The following KDM4E variants were observed in gnomAD, a reference collection of about 807,000 sequenced individuals.
KDM4E encodes lysine-specific demethylase 4E.
For missense variants in KDM4E, 576 were observed against 642.6 expected (o/e 0.90, Z 1.12); for synonymous variants, 229 against 232.9 (o/e 0.98, Z 0.15).
Position 95,027,250 on chromosome 11 carries a change from A to C in KDM4E, c.*172A>C, listed in dbSNP as rs77146219. The C allele has an allele frequency of 0.01, 9,228 of 897,044 alleles. 293 individuals carry two copies. Among genetic ancestry groups the C allele is most frequent in the African/African-American group, 0.088 (5,246 of 59,388 alleles). The allele number at this position is 897,044 out of a possible 1,614,324, so 55.6% of individuals were successfully genotyped here. On this transcript the variant is annotated 3_prime_UTR_variant, in exon 1 of 1. Coordinates refer to ENST00000450979, the MANE Select transcript of KDM4E (RefSeq NM_001161630.1). ...GATGTTGTCTGCATGACTCCTCCCA[A>C]TGTCATTGTGCCTTTGATTAAGTTT...
In KDM4E at chr11:95,027,288, G is replaced by A. The variant is rs933781467; in HGVS notation, c.*210G>A. On this transcript the variant is annotated 3_prime_UTR_variant, in exon 1 of 1. Transcript: ENST00000450979. ...TTTGATTAAGTTTTCCAGGGACACT[G>A]GTGGGGACTGGAACTGATTAAGTTC... The A allele has an allele frequency of 1.6e-5, 11 of 676,686 alleles. No homozygotes were observed. The highest frequency in any genetic ancestry group is 2.4e-5 in the Non-Finnish European group (10 of 413,148). The allele number at this position is 676,686 out of a possible 1,614,324, so 41.9% of individuals were successfully genotyped here.
Position 95,027,459 on chromosome 11 carries a change from A to C in KDM4E, c.*381A>C. The C allele has an allele frequency of 4.7e-6, 1 of 213,214 alleles. No individual in the cohort carries two copies. The highest frequency in any genetic ancestry group is 9.5e-6 in the Non-Finnish European group (1 of 105,460). The allele number at this position is 213,214 out of a possible 1,614,324, so 13.2% of individuals were successfully genotyped here. On this transcript the variant is annotated 3_prime_UTR_variant, in exon 1 of 1. Transcript: ENST00000450979. Reference sequence around the variant, plus strand: ...GGGTCTAAAGACACTGAGTTTAGGGATATTTTCCTCCAATACATGATCAAT... The same window carrying C: ...GGGTCTAAAGACACTGAGTTTAGGGCTATTTTCCTCCAATACATGATCAAT...
rs2257265 is a variant in KDM4E, at chr11:95,025,682, A to C, written c.125A>C (p.Gln42Pro). Reference protein sequence around the residue: ...VAYMESQGAHQAGLAKVIPPK... With the variant: ...VAYMESQGAHPAGLAKVIPPK... ...TACATGGAGTCCCAAGGCGCACATC[A>C]AGCTGGCCTTGCCAAGGTAATTCCA... Residue 42 changes from glutamine to proline, a missense_variant, in exon 1 of 1, where the codon CAA (glutamine) becomes CCA (proline). Physicochemically the swap from Gln to Pro is moderately conservative, Grantham distance 76. Coordinates refer to ENST00000450979, the MANE Select transcript of KDM4E (RefSeq NM_001161630.1). 3.2e-6 allele frequency: 5 copies of C among 1,548,938 alleles called. No homozygotes were observed. The highest frequency in any genetic ancestry group is 1.4e-5 in the African/African-American group (1 of 72,962).
At position 95,027,584 on chromosome 11, in the gene KDM4E, C is replaced by G. The variant is rs933729110; in HGVS notation, c.*506C>G. On this transcript the variant is annotated 3_prime_UTR_variant, in exon 1 of 1. Transcript: ENST00000450979. Reference sequence around the variant, plus strand: ...GATTCTTTACCTGCAGTAACTGACACATTTCCAAGGCCCCCAGATGCTGTC... The same window carrying G: ...GATTCTTTACCTGCAGTAACTGACAGATTTCCAAGGCCCCCAGATGCTGTC... 1.9e-5 allele frequency: 3 copies of G among 159,754 alleles called. No individual in the cohort carries two copies. The highest frequency in any genetic ancestry group is 4.2e-5 in the Non-Finnish European group (3 of 71,890). The allele number at this position is 159,754 out of a possible 1,614,324, so 9.9% of individuals were successfully genotyped here. A position where few individuals can be genotyped will look rare whatever the true frequency, so the allele number is the denominator to read the frequency against.
Position 95,025,893 on chromosome 11 carries a change from C to T in KDM4E, c.336C>T (p.His112=), listed in dbSNP as rs1858257381. ...ANSKKYQTPP[H]QNFADLEQRY... is the part of the protein sequence containing the mutation. ...GTAAAAAATATCAGACTCCGCCACA[C>T]CAGAATTTTGCAGATTTGGAGCAAC... The change falls in exon 1 of 1, where the codon CAC becomes CAT. Residue 112 remains histidine, a synonymous_variant. Coordinates refer to ENST00000450979, the MANE Select transcript of KDM4E (RefSeq NM_001161630.1). The T allele has an allele frequency of 6.3e-7, 1 of 1,587,608 alleles. No homozygotes were observed. Among genetic ancestry groups the T allele is most frequent in the Non-Finnish European group, 8.5e-7 (1 of 1,172,440 alleles).
rs1555102522 is a variant in KDM4E, at chr11:95,025,374, CT to C, written c.-183del. On this transcript the variant is annotated 5_prime_UTR_variant, in exon 1 of 1. Coordinates refer to ENST00000450979, the MANE Select transcript of KDM4E (RefSeq NM_001161630.1). Reference sequence around the variant, plus strand: ...GTATACTGACTAGAGTGGAGTCCCCCTGGGGAGTCAGAAAGCCTGTGAAAGA... The same window carrying C: ...GTATACTGACTAGAGTGGAGTCCCCCGGGGAGTCAGAAAGCCTGTGAAAGA... 1 of 786,158 alleles carries C rather than the reference CT, an allele frequency of 1.3e-6. No homozygotes were observed. The highest frequency in any genetic ancestry group is 2.8e-5 in the East Asian group (1 of 36,252). The allele number at this position is 786,158 out of a possible 1,614,324, so 48.7% of individuals were successfully genotyped here.
In KDM4E at chr11:95,027,037, C is replaced by A. The variant is rs1555103067; in HGVS notation, c.1480C>A (p.Leu494Ile). ...RSRAQGHRPQLPLANDLMTNL... is the reference protein window; with the variant it reads ...RSRAQGHRPQIPLANDLMTNL... ...TAGAGCTCAAGGCCACAGGCCTCAGCTCCCGCTTGCCAATGATTTGATGAC... is the reference window on the plus strand; with the variant it reads ...TAGAGCTCAAGGCCACAGGCCTCAGATCCCGCTTGCCAATGATTTGATGAC... The change falls in exon 1 of 1, where the codon CTC becomes ATC. Residue 494 changes from leucine to isoleucine, a missense_variant. Coordinates refer to ENST00000450979, the MANE Select transcript of KDM4E (RefSeq NM_001161630.1). 2 of 1,537,218 alleles carry A rather than the reference C, an allele frequency of 1.3e-6. No homozygotes were observed. The highest frequency in any genetic ancestry group is 3.9e-5 in the Admixed American group (2 of 51,004).
In KDM4E at chr11:95,027,407, A is replaced by G. The variant is rs1033716117; in HGVS notation, c.*329A>G. On this transcript the variant is annotated 3_prime_UTR_variant, in exon 1 of 1. Transcript: ENST00000450979. Reference sequence around the variant, plus strand: ...TCTGACTCCAACTAAGTTTTCCAGAATCTCCTGGGCTCCTGACTCATCTGC... The same window carrying G: ...TCTGACTCCAACTAAGTTTTCCAGAGTCTCCTGGGCTCCTGACTCATCTGC... 5 of 322,132 alleles carry G rather than the reference A, an allele frequency of 1.6e-5. No individual in the cohort carries two copies. Among genetic ancestry groups the G allele is most frequent in the Admixed American group, 1.4e-4 (3 of 22,104 alleles). The allele number at this position is 322,132 out of a possible 1,614,324, so 20.0% of individuals were successfully genotyped here.
Position 95,025,808 on chromosome 11 carries a change from C to A in KDM4E, c.251C>A (p.Thr84Asn). ...QVTSGQGGVFTQYHKKKKAMR... is the reference protein window; with the variant it reads ...QVTSGQGGVFNQYHKKKKAMR... ...ACCTCTGGGCAGGGAGGTGTGTTTACTCAATACCATAAAAAGAAGAAAGCC... is the reference window on the plus strand; with the variant it reads ...ACCTCTGGGCAGGGAGGTGTGTTTAATCAATACCATAAAAAGAAGAAAGCC... The change falls in exon 1 of 1, where the codon ACT becomes AAT. Residue 84 changes from threonine to asparagine, a missense_variant. Physicochemically the swap from Thr to Asn is moderately conservative, Grantham distance 65. Transcript: ENST00000450979. 6.3e-7 allele frequency: 1 copy of A among 1,591,840 alleles called. No individual in the cohort carries two copies.
chr11:95,025,400 A>T lies in KDM4E; in HGVS notation c.-158A>T. ...TGGGGAGTCAGAAAGCCTGTGAAAG[A>T]TCTCACTTGTTCAAAAGTCCAAGTG... On this transcript the variant is annotated 5_prime_UTR_variant, in exon 1 of 1. Coordinates refer to ENST00000450979, the MANE Select transcript of KDM4E (RefSeq NM_001161630.1). 9.3e-7 allele frequency: 1 copy of T among 1,079,512 alleles called. No individual in the cohort carries two copies. Among genetic ancestry groups the T allele is most frequent in the Non-Finnish European group, 1.3e-6 (1 of 782,122 alleles). 66.9% of individuals were successfully genotyped at this position (1,079,512 alleles called of 1,614,324 possible). A position where few individuals can be genotyped will look rare whatever the true frequency, so the allele number is the denominator to read the frequency against.
rs1193297173 is a variant in KDM4E at position 95,027,405 on chromosome 11, G to A, written c.*327G>A. ...GTTCTGACTCCAACTAAGTTTTCCA[G>A]AATCTCCTGGGCTCCTGACTCATCT... On this transcript the variant is annotated 3_prime_UTR_variant, in exon 1 of 1. Transcript: ENST00000450979. 3.1e-6 allele frequency: 1 copy of A among 326,362 alleles called. No homozygotes were observed. The highest frequency in any genetic ancestry group is 2.1e-5 in the African/African-American group (1 of 48,012). The allele number at this position is 326,362 out of a possible 1,614,324, so 20.2% of individuals were successfully genotyped here.
In KDM4E at chr11:95,026,960, A is replaced by G. The variant is rs1366572186; in HGVS notation, c.1403A>G (p.Glu468Gly). 2 of 1,537,070 alleles carry G rather than the reference A, an allele frequency of 1.3e-6. No individual in the cohort carries two copies. The highest frequency in any genetic ancestry group is 3.9e-5 in the Admixed American group (2 of 50,966). Residue 468 changes from glutamate (E) to glycine (G), a missense_variant, in exon 1 of 1, where the codon GAG (glutamate) becomes GGG (glycine). Coordinates refer to ENST00000450979, the MANE Select transcript of KDM4E (RefSeq NM_001161630.1). ...TGTACTCGAGAACTGGGGACTGAGGAGCCAACTGTTCAGCCTGCATCCAAG... is the reference window on the plus strand; with the variant it reads ...TGTACTCGAGAACTGGGGACTGAGGGGCCAACTGTTCAGCCTGCATCCAAG... ...GCCTRELGTE[E>G]PTVQPASKRR...
In KDM4E at chr11:95,026,356, G is replaced by T; in HGVS notation, c.799G>T (p.Glu267Ter). ...CAATTGCATGACTCAGGAGGCTGGGGAGTTCATGGTGACCTTTCCCTATGG... is the reference window on the plus strand; with the variant it reads ...CAATTGCATGACTCAGGAGGCTGGGTAGTTCATGGTGACCTTTCCCTATGG... ...PFNCMTQEAG[E>*]FMVTFPYGYH... The change falls in exon 1 of 1, where the codon GAG becomes TAG. Residue 267 changes from glutamate (E) to a stop codon, truncating the protein, a stop_gained. Coordinates refer to ENST00000450979, the MANE Select transcript of KDM4E (RefSeq NM_001161630.1). LOFTEE classifies it low-confidence loss of function (END_TRUNC). 2 of 1,614,116 alleles carry T rather than the reference G, an allele frequency of 1.2e-6. No individual in the cohort carries two copies. The highest frequency in any genetic ancestry group is 2.2e-5 in the South Asian group (2 of 91,078).
rs782658754 is a variant in KDM4E at position 95,026,450 on chromosome 11, T to C, written c.893T>C (p.Ile298Thr). Residue 298 changes from isoleucine to threonine, a missense_variant, in exon 1 of 1, where the codon ATT becomes ACT. Coordinates refer to ENST00000450979, the MANE Select transcript of KDM4E (RefSeq NM_001161630.1). Reference protein sequence around the residue: ...EAINFATPRWIDYGKMASQCS... With the variant: ...EAINFATPRWTDYGKMASQCS... The stretch of plus-strand genomic sequence containing the variant: ...ATTAATTTTGCCACTCCACGATGGA[T>C]TGATTATGGCAAAATGGCCTCTCAG... 3.5e-5 allele frequency: 57 copies of C among 1,610,428 alleles called. No individual in the cohort carries two copies. In the Middle Eastern group the frequency reaches 6.6e-4, roughly 19 times the overall value.
chr11:95,026,885 G>A lies in KDM4E; in HGVS notation c.1328G>A (p.Arg443His), dbSNP rs374081859. The change falls in exon 1 of 1, where the codon CGT becomes CAT. Residue 443 changes from arginine to histidine, a missense_variant. Physicochemically the swap from Arg to His is conservative, Grantham distance 29. Transcript: ENST00000450979. Reference protein sequence around the residue: ...GSWGSGRGRGRGQGQGRGCSR... With the variant: ...GSWGSGRGRGHGQGQGRGCSR... ...TGGGGTTCTGGTCGTGGTCGTGGTC[G>A]TGGTCAAGGTCAAGGTCGAGGTTGC... is the stretch of plus-strand genomic sequence containing the variant. 296 of 1,536,998 alleles carry A rather than the reference G, an allele frequency of 1.9e-4. No homozygotes were observed. Among genetic ancestry groups the A allele is most frequent in the African/African-American group, 2.2e-4 (16 of 73,136 alleles).
In KDM4E at chr11:95,026,273, T is replaced by A; in HGVS notation, c.716T>A (p.Leu239Gln). The A allele has an allele frequency of 2.5e-6, 4 of 1,614,108 alleles. No homozygotes were observed. The highest frequency in any genetic ancestry group is 3.4e-6 in the Non-Finnish European group (4 of 1,180,010). Residue 239 changes from leucine to glutamine, a missense_variant, in exon 1 of 1, where the codon CTG becomes CAG. Transcript: ENST00000450979. ...PDISRGCEAFLRHKVALISPT... is the reference protein window; with the variant it reads ...PDISRGCEAFQRHKVALISPT... ...ATTTCTCGGGGCTGTGAGGCCTTCC[T>A]GCGGCACAAAGTGGCCCTCATCTCG...
chr11:95,026,733 C>A lies in KDM4E; in HGVS notation c.1176C>A (p.Tyr392Ter), dbSNP rs1858273636. 4.6e-6 allele frequency: 7 copies of A among 1,537,298 alleles called. No individual in the cohort carries two copies. The highest frequency in any genetic ancestry group is 6.1e-6 in the Non-Finnish European group (7 of 1,146,928). ...PTQPVSSGHC[Y>*]NPKGCGTDAV... ...AGCCTGTGTCCTCAGGGCACTGTTA[C>A]AACCCAAAAGGCTGTGGCACTGATG... The change falls in exon 1 of 1, where the codon TAC becomes TAA. Residue 392 changes from tyrosine (Y) to a stop codon, truncating the protein, a stop_gained. Coordinates refer to ENST00000450979, the MANE Select transcript of KDM4E (RefSeq NM_001161630.1). LOFTEE classifies it low-confidence loss of function (END_TRUNC).
Position 95,027,218 on chromosome 11 carries a change from T to A in KDM4E, c.*140T>A. ...TATCCCTCAACAGCACTACTAGTAA[T>A]CTCCCTGATGTTGTCTGCATGACTC... On this transcript the variant is annotated 3_prime_UTR_variant, in exon 1 of 1. Transcript: ENST00000450979. 1 of 1,166,432 alleles carries A rather than the reference T, an allele frequency of 8.6e-7. No homozygotes were observed. The allele number at this position is 1,166,432 out of a possible 1,614,324, so 72.3% of individuals were successfully genotyped here.
rs1246729108 is a variant in KDM4E at position 95,026,599 on chromosome 11, A to T, written c.1042A>T (p.Arg348Trp). The change falls in exon 1 of 1, where the codon AGG (arginine) becomes TGG (tryptophan). Residue 348 changes from arginine (R) to tryptophan (W), a missense_variant. Arg to Trp is a moderately radical substitution (Grantham distance 101). Transcript: ENST00000450979. ...GGCCATTGTGGAACACACAGAGCCC[A>T]GGGTTGCAGAAAGCCAAGAGCTGAG... ...DLAIVEHTEP[R>W]VAESQELSNW... 6.5e-7 allele frequency: 1 copy of T among 1,537,432 alleles called. No individual in the cohort carries two copies. The highest frequency in any genetic ancestry group is 8.7e-7 in the Non-Finnish European group (1 of 1,147,010).
Sources: allele counts gnomAD v4.1 joint callset, GRCh38; gene constraint gnomAD v4.1.1; transcripts MANE v1.5; gene names NCBI Gene and HGNC (gene_info 2026-07-23, HGNC 2026-07-21).